MEI1: variants seen among roughly 807,000 people sequenced by gnomAD.
The protein encoded by MEI1 is meiotic double-stranded break formation protein 1.
A neutral mutation model predicts 146.2 loss-of-function variants in MEI1; 103 were observed. The observed-to-expected ratio is 0.70, with a 90% confidence interval of 0.60 to 0.83. The LOEUF (loss-of-function observed/expected upper bound fraction) is 0.83, where lower values mean the gene tolerates loss of function less well. MEI1 is among the 40% of genes least tolerant of loss of function. The probability of loss-of-function intolerance (pLI) is 0.00; values close to 1 mark genes in which losing one functional copy is unlikely to be tolerated. For synonymous variants in MEI1, 652 were observed against 628.2 expected (o/e 1.04, Z -0.57); for missense variants, 1,529 against 1,533.0 (o/e 1.00, Z 0.04).
chr22:41,713,699 C>T (rs1029022647), intron 3 of MEI1, among the ~76,000 whole-genome samples: 1 of 152,156 alleles, frequency 6.6e-6, no homozygotes, highest in Non-Finnish European at 1.5e-5. Context: ...CAGGCCTGCA[C>T]CTCCATGTCC....
At chr22:41,747,892 T>C (rs1381870045) in intron 14 of MEI1, among the ~76,000 whole-genome samples, 1 of 152,210 alleles carries the variant, frequency 6.6e-6, no homozygotes, top group Non-Finnish European at 1.5e-5. Flanking sequence ...ATTCCCACTT[T>C]AGTCTTGGGA....
At chr22:41,704,283 G>A (rs961160916) in intron 2 of MEI1, among the ~76,000 whole-genome samples, 6 of 152,162 alleles carry the variant, frequency 3.9e-5, no homozygotes, top group African/African-American at 1.4e-4. Flanking sequence ...TTTTAAGGGA[G>A]CTAGGATGAT....
At chr22:41,699,733 T>G (rs2068546191) in intron 1 of MEI1, 21 bp downstream of exon 1, 1 of 1,538,450 alleles carries the variant, frequency 6.5e-7, no homozygotes, top group African/African-American at 1.4e-5. Flanking sequence ...AACCTTTTCT[T>G]CAGAAGACCT....
intron 3 of MEI1, among the ~76,000 whole-genome samples, chr22:41,712,701 TGG>T: frequency 6.6e-6 from 1 of 150,436 alleles, no homozygotes; most frequent in African/African-American, 2.5e-5. Context: ...TGTGTGTGTG[TGG>T]AGCAATATAT....
In MEI1 at chr22:41,781,806, T is replaced by G. The variant is rs1258860969; in HGVS notation, c.3048T>G (p.Thr1016=). 6.2e-7 allele frequency: 1 copy of G among 1,614,008 alleles called. No individual in the cohort carries two copies. The highest frequency in any genetic ancestry group is 1.1e-5 in the South Asian group (1 of 91,076). Residue 1016 remains threonine, a synonymous_variant, in exon 24 of 31, where the codon ACT becomes ACG. Coordinates refer to ENST00000401548, the MANE Select transcript of MEI1 (RefSeq NM_152513.4). ...TALLCSAWLL[T]ASFSAQQHKG... is the part of the protein sequence containing the mutation. ...TCCTCTGCTCTGCCTGGCTGCTCAC[T>G]GCCTCCTTCTCTGCCCAGCAGCACA...
intron 1 of MEI1, among the ~76,000 whole-genome samples, chr22:41,702,844 C>T (rs774602579): frequency 1.3e-5 from 2 of 151,906 alleles, no homozygotes; most frequent in African/African-American, 2.4e-5. Context: ...CTGCAACCTC[C>T]GCCTCCCTGG....
At chr22:41,699,908 C>A (rs139499030) in intron 1 of MEI1, among the ~76,000 whole-genome samples, 196 bp downstream of exon 1, 2,479 of 152,352 alleles carry the variant, frequency 0.016, 50 homozygotes, top group Admixed American at 0.058. Context: ...CCAGGCCGGC[C>A]TGCGGGCCTC....
intron 6 of MEI1, among the ~76,000 whole-genome samples, chr22:41,719,717 G>C (rs2070569106): frequency 6.6e-6 from 1 of 152,100 alleles, no homozygotes; most frequent in Non-Finnish European, 1.5e-5. Flanking sequence ...TGTTACTTGA[G>C]GCTCTTTAGA....
Position 41,712,153 on chromosome 22 carries a change from G to A in MEI1, c.350-1849G>A, listed in dbSNP as rs1231203699. On this transcript the variant is annotated intron_variant, in intron 3 of 30. Transcript: ENST00000401548. ...CAGGAGGCAGAAGTTGCAGTGAGGC[G>A]AGATCATGCCAGTGCACTCCAGCCT... Among the ~76,000 whole-genome samples, 6 of 125,852 alleles carry A rather than the reference G, an allele frequency of 4.8e-5. No individual in the cohort carries two copies. In the East Asian group the frequency reaches 8.2e-4, roughly 17 times the overall value. 82.6% of individuals were successfully genotyped at this position (125,852 alleles called of 152,430 possible). A position where few individuals can be genotyped will look rare whatever the true frequency, so the allele number is the denominator to read the frequency against.
At chr22:41,784,484 C>A in intron 25 of MEI1, 64 bp downstream of exon 25, 2 of 1,596,614 alleles carry the variant, frequency 1.3e-6, no homozygotes, top group Non-Finnish European at 8.6e-7. Context: ...ATAAGACCAG[C>A]ACCCTGACCA....
intron 26 of MEI1, among the ~76,000 whole-genome samples, chr22:41,786,390 T>C (rs1022639941): frequency 6.6e-6 from 1 of 152,138 alleles, no homozygotes; most frequent in Admixed American, 6.5e-5. Flanking sequence ...AAAACTCAAT[T>C]TGGCTTATAA....
At chr22:41,784,318 C>A in intron 24 of MEI1, 21 bp from the exon 25 acceptor site, 1 of 1,611,254 alleles carries the variant, frequency 6.2e-7, no homozygotes. Context: ...GGGGTTAGCC[C>A]TTTACCCTGT....
intron 18 of MEI1, among the ~76,000 whole-genome samples, chr22:41,761,085 G>A (rs1200686419): frequency 6.6e-6 from 1 of 152,084 alleles, no homozygotes; most frequent in East Asian, 2.0e-4. Context: ...GCTGAGGTAG[G>A]TGGATCACCT....
At chr22:41,749,538 G>C (rs1444409131) in intron 15 of MEI1, among the ~76,000 whole-genome samples, 1 of 152,162 alleles carries the variant, frequency 6.6e-6, no homozygotes, top group African/African-American at 2.4e-5. Flanking sequence ...ACCTCCCAAA[G>C]TGCTGGGGTT....
intron 23 of MEI1, 88 bp from the exon 24 acceptor site, chr22:41,781,597 G>T: frequency 1.4e-6 from 2 of 1,454,688 alleles, no homozygotes; most frequent in Admixed American, 4.2e-5. Context: ...TGTTTGTGAA[G>T]CCCCAATCAG....
At chr22:41,769,856 C>T (rs986023231) in intron 19 of MEI1, among the ~76,000 whole-genome samples, 2 of 151,718 alleles carry the variant, frequency 1.3e-5, no homozygotes, top group Admixed American at 6.6e-5. Context: ...TCAACAAGGC[C>T]GGGCACGGTG....
intron 1 of MEI1, among the ~76,000 whole-genome samples, chr22:41,700,939 C>CTTTTTT (rs530432136): frequency 7.7e-6 from 1 of 129,620 alleles, no homozygotes; most frequent in East Asian, 2.2e-4. Flanking sequence ...TTCTTTCTTT[C>CTTTTTT]TTTTTTTTTT....
chr22:41,778,636 C>A (rs2075594117), intron 21 of MEI1, 72 bp from the exon 22 acceptor site: 1 of 1,179,368 alleles, frequency 8.5e-7, no homozygotes, highest in Non-Finnish European at 1.2e-6. Flanking sequence ...GCCATTGAAG[C>A]AGGGCAGGGT....
At chr22:41,744,925 A>G in intron 12 of MEI1, 48 bp from the exon 13 acceptor site, 1 of 1,198,860 alleles carries the variant, frequency 8.3e-7, no homozygotes, top group African/African-American at 1.6e-5. Context: ...AGACTGAGAC[A>G]CAGCATATAC....
Sources: allele counts gnomAD v4.1 joint callset (sites outside exome capture counted in the v4.1 genomes callset), GRCh38; gene constraint gnomAD v4.1.1; transcripts MANE v1.5; gene names NCBI Gene and HGNC (gene_info 2026-07-23, HGNC 2026-07-21).